The following NALCN variants were observed in gnomAD, a reference collection of about 807,000 sequenced individuals.
The protein encoded by NALCN is sodium leak channel, non-selective.
In NALCN, 111 loss-of-function variants were observed where a neutral mutation model predicts 225.3. The ratio of observed to expected loss-of-function variants is 0.49; its 90% confidence interval spans 0.42 to 0.58. The LOEUF (loss-of-function observed/expected upper bound fraction) is 0.58, where lower values mean the gene tolerates loss of function less well. Ranked by LOEUF, NALCN falls within the 20% of genes least tolerant of loss-of-function variation. The pLI is 0.00. For missense variants in NALCN, 1,378 were observed against 2,202.4 expected, an observed-to-expected ratio of 0.63 and a Z score of 7.49; for synonymous variants, 764 against 769.0, an observed-to-expected ratio of 0.99 and a Z score of 0.11.
chr13:101,216,637 T>C (rs1220348073), intron 13 of NALCN, among the ~76,000 whole-genome samples: 2 of 152,136 alleles, frequency 1.3e-5, no homozygotes, highest in Non-Finnish European at 2.9e-5. Context: ...AAATAAACCT[T>C]GAATCTATTA....
chr13:101,124,573 G>T, intron 18 of NALCN, 35 bp downstream of exon 18: 1 of 1,548,700 alleles, frequency 6.5e-7, no homozygotes, highest in Non-Finnish European at 8.9e-7. Context: ...AATCCCACTT[G>T]TGTTTAAATA....
intron 15 of NALCN, among the ~76,000 whole-genome samples, chr13:101,164,010 T>G (rs557379968): frequency 6.6e-6 from 1 of 152,238 alleles, no homozygotes; most frequent in Admixed American, 6.5e-5. Flanking sequence ...TGTGTGTCTG[T>G]GTCTGTGTCT....
intron 10 of NALCN, among the ~76,000 whole-genome samples, chr13:101,269,250 G>A (rs1438174311): frequency 6.8e-6 from 1 of 148,032 alleles, no homozygotes; most frequent in South Asian, 2.2e-4. Flanking sequence ...ATTTTAGCCT[G>A]GTGTTCCTAA....
intron 13 of NALCN, among the ~76,000 whole-genome samples, chr13:101,201,278 T>C (rs941531238): frequency 1.3e-5 from 2 of 152,234 alleles, no homozygotes; most frequent in Non-Finnish European, 2.9e-5. Flanking sequence ...ATTACCACTA[T>C]CTAATTTAAG....
In NALCN at chr13:101,112,413, G is replaced by T. The variant is rs112291764; in HGVS notation, c.2193-1187C>A. On this transcript the variant is annotated intron_variant, in intron 18 of 43. Coordinates refer to ENST00000251127, the MANE Select transcript of NALCN (RefSeq NM_052867.4). ...TAACACCTGTGGTGTGAATGATTTT[G>T]GTGAGAAAAAAAAATTATTCTCCAG... is the stretch of plus-strand genomic sequence containing the variant. Among the ~76,000 whole-genome samples, 535 of 152,150 alleles carry T rather than the reference G, an allele frequency of 3.5e-3. 3 individuals carry two copies. The highest frequency in any genetic ancestry group is 0.012 in the African/African-American group (494 of 41,520).
chr13:101,080,521 A>G (rs1167391924), intron 34 of NALCN, among the ~76,000 whole-genome samples: 1 of 146,250 alleles, frequency 6.8e-6, no homozygotes, highest in African/African-American at 2.5e-5. Context: ...AATTACATAC[A>G]TAATAGTTAT....
chr13:101,362,726 G>A (rs989791029), intron 6 of NALCN, among the ~76,000 whole-genome samples: 1 of 152,004 alleles, frequency 6.6e-6, no homozygotes, highest in Admixed American at 6.6e-5. Flanking sequence ...CATACTACTG[G>A]AAGTTCTAGC....
rs777294886 is a variant in NALCN at position 101,345,440 on chromosome 13, G to A, written c.645-20C>T. On this transcript the variant is annotated intron_variant, in intron 6 of 43. Transcript: ENST00000251127. ...ACATTCCTGTGAACAACACATGAAA[G>A]TGTTAGACAATTTCAACAATCATAA... is the stretch of plus-strand genomic sequence containing the variant. 45 of 1,603,748 alleles carry A rather than the reference G, an allele frequency of 2.8e-5. No homozygotes were observed. Among genetic ancestry groups the A allele is most frequent in the Non-Finnish European group, 3.6e-5 (42 of 1,174,214 alleles).
intron 27 of NALCN, among the ~76,000 whole-genome samples, chr13:101,100,053 G>C (rs985872364): frequency 6.6e-6 from 1 of 152,124 alleles, no homozygotes; most frequent in South Asian, 2.1e-4. Flanking sequence ...AAACGCCGTA[G>C]TGCAAGTATT....
intron 15 of NALCN, among the ~76,000 whole-genome samples, chr13:101,150,380 CAGTTA>C (rs1250923185): frequency 6.6e-6 from 1 of 152,116 alleles, no homozygotes; most frequent in Non-Finnish European, 1.5e-5. Flanking sequence ...TATTAGAGTT[CAGTTA>C]AAAGTTTTTC....
intron 7 of NALCN, among the ~76,000 whole-genome samples, chr13:101,296,655 ACAG>A (rs1462687105): frequency 2.0e-5 from 3 of 152,222 alleles, no homozygotes; most frequent in Non-Finnish European, 2.9e-5. Flanking sequence ...TGATGCTACA[ACAG>A]CACCTGGGAA....
intron 18 of NALCN, among the ~76,000 whole-genome samples, chr13:101,121,411 G>A (rs183777331): frequency 1.3e-5 from 2 of 152,160 alleles, no homozygotes; most frequent in African/African-American, 4.8e-5. Context: ...ATATCACTCT[G>A]GATTTAAGGT....
Position 101,213,837 on chromosome 13 carries a change from T to G in NALCN, c.1626+15556A>C, listed in dbSNP as rs145899151. 6.1e-3 allele frequency among the ~76,000 whole-genome samples: 922 copies of G among 152,318 alleles called. 2 individuals are homozygous for G. Among genetic ancestry groups the G allele is most frequent in the Admixed American group, 0.011 (167 of 15,294 alleles). On this transcript the variant is annotated intron_variant, in intron 13 of 43. Coordinates refer to ENST00000251127, the MANE Select transcript of NALCN (RefSeq NM_052867.4). ...TAGAGAAATAGGAACACTTTTACAC[T>G]GTTGGTGGGACTGTAAACTAGTTCA...
At chr13:101,387,248 A>T (rs1002550099) in intron 3 of NALCN, among the ~76,000 whole-genome samples, 1 of 150,634 alleles carries the variant, frequency 6.6e-6, no homozygotes, top group East Asian at 1.9e-4. Flanking sequence ...AAAAAAAAAA[A>T]AAAAAACAGG....
intron 20 of NALCN, among the ~76,000 whole-genome samples, chr13:101,109,560 T>C (rs147837897): frequency 3.8e-4 from 58 of 152,326 alleles, no homozygotes; most frequent in African/African-American, 1.4e-3. Context: ...TAACTTTCTC[T>C]TGCTAGCCCT....
intron 37 of NALCN, among the ~76,000 whole-genome samples, chr13:101,071,689 T>C (rs9585618): frequency 0.51 from 78,076 of 152,084 alleles, 20,878 homozygotes; most frequent in Non-Finnish European, 0.59. Context: ...CATAAGGCTA[T>C]TTCTTATCAG....
intron 13 of NALCN, among the ~76,000 whole-genome samples, chr13:101,205,246 T>C (rs961217933): frequency 3.9e-5 from 6 of 152,130 alleles, no homozygotes; most frequent in African/African-American, 1.2e-4. Flanking sequence ...AATGCTTGGC[T>C]GATTAATGAA....
chr13:101,109,912 A>G (rs994423411), intron 20 of NALCN, among the ~76,000 whole-genome samples: 2 of 152,186 alleles, frequency 1.3e-5, no homozygotes, highest in African/African-American at 4.8e-5. Flanking sequence ...TATAAAGCAA[A>G]TCTGTCACAG....
At chr13:101,074,441 C>T (rs889466761) in intron 36 of NALCN, 73 bp downstream of exon 36, 17 of 1,366,732 alleles carry the variant, frequency 1.2e-5, no homozygotes, top group Non-Finnish European at 1.5e-5. Context: ...AGACAAAAAA[C>T]ATTTGTTTAT....
Sources: gnomAD v4.1 joint callset for allele counts (sites outside exome capture counted in the v4.1 genomes callset) on GRCh38, gnomAD v4.1.1 for gene constraint, MANE v1.5 for transcripts, NCBI Gene and HGNC (gene_info 2026-07-23, HGNC 2026-07-21) for gene names.